The following DYRK1A variants were observed in gnomAD, a reference collection of about 807,000 sequenced individuals.
DYRK1A encodes the protein dual specificity tyrosine phosphorylation regulated kinase 1A, also known as dual specificity tyrosine-phosphorylation-regulated kinase 1A.
DYRK1A carries 9 observed loss-of-function variants against 79.7 expected under a neutral mutation model. The observed-to-expected ratio is 0.11, with a 90% CI of 0.07 to 0.20. The LOEUF (loss-of-function observed/expected upper bound fraction) is 0.20. DYRK1A is among the 10% of genes least tolerant of loss of function. The pLI is 1.00. For missense variants in DYRK1A, 622 were observed against 956.0 expected, an observed-to-expected ratio of 0.65 and a Z score of 4.61; for synonymous variants, 349 against 329.7, an observed-to-expected ratio of 1.06 and a Z score of -0.63.
intron 9 of DYRK1A, among the ~76,000 whole-genome samples, chr21:37,496,532 T>G (rs1441268608): frequency 6.6e-6 from 1 of 152,214 alleles, no homozygotes; most frequent in Non-Finnish European, 1.5e-5. Flanking sequence ...ATCACCATAC[T>G]TGGTTTCAAC....
intron 2 of DYRK1A, among the ~76,000 whole-genome samples, chr21:37,455,635 T>C (rs2051612090): frequency 6.6e-6 from 1 of 152,100 alleles, no homozygotes; most frequent in Non-Finnish European, 1.5e-5. Flanking sequence ...CCTTCCTTTC[T>C]TTTGCTGACA....
chr21:37,454,890 A>G lies in DYRK1A; in HGVS notation c.11-17794A>G, dbSNP rs892583075. Among the ~76,000 whole-genome samples, 4 of 152,172 alleles carry G rather than the reference A, an allele frequency of 2.6e-5. No individual in the cohort carries two copies. In the South Asian group the frequency reaches 8.3e-4, roughly 31 times the overall value. ...GGGCACCTTATCCAGACAGATTTTA[A>G]TAAGTGAGATTGGTCTTATCTCTTT... On this transcript the variant is annotated intron_variant, in intron 2 of 11. Coordinates refer to ENST00000647188, the MANE Select transcript of DYRK1A (RefSeq NM_001347721.2).
intron 1 of DYRK1A, among the ~76,000 whole-genome samples, chr21:37,384,345 T>A (rs1343057376): frequency 6.6e-6 from 1 of 152,016 alleles, no homozygotes; most frequent in Admixed American, 6.6e-5. Context: ...GCAGAAAAAA[T>A]CTCAGAGTTT....
chr21:37,391,292 G>A (rs1284628676), intron 1 of DYRK1A, among the ~76,000 whole-genome samples: 1 of 152,138 alleles, frequency 6.6e-6, no homozygotes, highest in East Asian at 1.9e-4. Context: ...CAGGTTTGGG[G>A]ATACATGAGC....
chr21:37,408,810 T>G (rs985797896), intron 1 of DYRK1A, among the ~76,000 whole-genome samples: 1 of 152,192 alleles, frequency 6.6e-6, no homozygotes, highest in Non-Finnish European at 1.5e-5. Flanking sequence ...GGTTTGATGG[T>G]TATGATTTTC....
chr21:37,377,775 C>G (rs1012750201), intron 1 of DYRK1A, among the ~76,000 whole-genome samples: 2 of 152,106 alleles, frequency 1.3e-5, no homozygotes, highest in Non-Finnish European at 2.9e-5. Context: ...TCTTAATGGT[C>G]GGAAAGTATT....
At position 37,483,751 on chromosome 21, in the gene DYRK1A, T is replaced by C. The variant is rs371296525; in HGVS notation, c.490-2716T>C. Among the ~76,000 whole-genome samples the C allele has an allele frequency of 2.0e-5, 3 of 152,052 alleles. No homozygotes were observed. In the East Asian group the frequency reaches 5.8e-4, roughly 29 times the overall value. ...GCACGTGCCACCATGCCTGGCTAAT[T>C]TGTTGTTTTTTTGTAGAGGTGAGGT... On this transcript the variant is annotated intron_variant, in intron 5 of 11. Transcript: ENST00000647188.
At chr21:37,413,735 A>AAG in intron 1 of DYRK1A, among the ~76,000 whole-genome samples, 1 of 152,308 alleles carries the variant, frequency 6.6e-6, no homozygotes, top group East Asian at 1.9e-4. Context: ...CACCTCTTCT[A>AAG]AGTTCCTCTT....
intron 1 of DYRK1A, among the ~76,000 whole-genome samples, chr21:37,414,083 A>G (rs1337483092): frequency 4.6e-5 from 7 of 152,236 alleles, no homozygotes; most frequent in Admixed American, 3.3e-4. Flanking sequence ...GTATATATAC[A>G]TATATTTAAG....
chr21:37,429,121 T>C (rs2835734), intron 2 of DYRK1A, among the ~76,000 whole-genome samples: 28,191 of 152,102 alleles, frequency 0.19, 2,876 homozygotes, highest in East Asian at 0.36. Context: ...TTATAAACCA[T>C]CCACAAAATA....
At chr21:37,431,074 G>A (rs985718112) in intron 2 of DYRK1A, among the ~76,000 whole-genome samples, 1 of 152,102 alleles carries the variant, frequency 6.6e-6, no homozygotes, top group Non-Finnish European at 1.5e-5. Context: ...TCACTGGTAT[G>A]TCTCCATCCC....
intron 1 of DYRK1A, among the ~76,000 whole-genome samples, chr21:37,373,685 G>T (rs1371741262): frequency 6.6e-6 from 1 of 152,144 alleles, no homozygotes. Context: ...TCCCTTTAAA[G>T]ACAAACCTGG....
chr21:37,381,285 A>G (rs2148370522), intron 1 of DYRK1A, among the ~76,000 whole-genome samples: 2 of 152,352 alleles, frequency 1.3e-5, no homozygotes, highest in South Asian at 4.1e-4. Context: ...GGAAAAGATG[A>G]AGTTTTTTAA....
intron 5 of DYRK1A, chr21:37,486,266 A>T (rs1381082910): frequency 2.8e-6 from 1 of 358,478 alleles, no homozygotes; most frequent in East Asian, 4.3e-5. Flanking sequence ...AATTTAAAAG[A>T]TTGATTTAAA....
At chr21:37,413,012 C>T (rs2050271838) in intron 1 of DYRK1A, among the ~76,000 whole-genome samples, 2 of 152,134 alleles carry the variant, frequency 1.3e-5, no homozygotes, top group Non-Finnish European at 2.9e-5. Flanking sequence ...CCAGAGGTCA[C>T]ATCTGAGGTT....
intron 2 of DYRK1A, among the ~76,000 whole-genome samples, chr21:37,426,197 G>A (rs1272350659): frequency 6.6e-6 from 1 of 152,172 alleles, no homozygotes; most frequent in Admixed American, 6.5e-5. Context: ...TTATTCATGA[G>A]TCTATATTTT....
At chr21:37,376,595 A>G (rs1435834679) in intron 1 of DYRK1A, among the ~76,000 whole-genome samples, 1 of 152,078 alleles carries the variant, frequency 6.6e-6, no homozygotes, top group Admixed American at 6.5e-5. Flanking sequence ...TGGTAGTGTT[A>G]GCTTGCTTCG....
chr21:37,477,990 A>G (rs182261270), intron 3 of DYRK1A, among the ~76,000 whole-genome samples: 260 of 152,350 alleles, frequency 1.7e-3, no homozygotes, highest in African/African-American at 5.9e-3. Context: ...GCAGCTGGGC[A>G]TATTATCCTC....
chr21:37,449,236 C>T (rs977474769), intron 2 of DYRK1A, among the ~76,000 whole-genome samples: 3 of 152,260 alleles, frequency 2.0e-5, no homozygotes, highest in African/African-American at 7.2e-5. Context: ...ATAGTAATTT[C>T]TGTATTTACT....
Sources: gnomAD v4.1 joint callset for allele counts (sites outside exome capture counted in the v4.1 genomes callset) on GRCh38, gnomAD v4.1.1 for gene constraint, MANE v1.5 for transcripts, NCBI Gene and HGNC (gene_info 2026-07-23, HGNC 2026-07-21) for gene names.